The following ANK3 variants were observed in gnomAD, a reference collection of about 807,000 sequenced individuals.
ANK3 encodes the protein ankyrin-3.
In ANK3, 57 loss-of-function variants were observed where a neutral mutation model predicts 370.9. The ratio of observed to expected loss-of-function variants is 0.15; its 90% CI spans 0.12 to 0.19. The LOEUF is 0.19. Ranked by LOEUF, ANK3 falls within the 10% of genes least tolerant of loss-of-function variation. ANK3 has a pLI of 1.00. For synonymous variants in ANK3, 1,929 were observed against 1,946.3 expected, an observed-to-expected ratio of 0.99 and a Z score of 0.23; for missense variants, 4,439 against 5,302.1, an observed-to-expected ratio of 0.84 and a Z score of 5.06.
rs1437728084 is a variant in ANK3, at chr10:60,227,965, GAT to G, written c.897+6721_897+6722del. Among the ~76,000 whole-genome samples the G allele has an allele frequency of 5.3e-5, 8 of 152,184 alleles. No homozygotes were observed. In the East Asian group the frequency reaches 1.5e-3, roughly 29 times the overall value. On this transcript the variant is annotated intron_variant, in intron 8 of 43. Transcript: ENST00000280772. ...AAATTACATACTGGGTATTATGTAT[GAT>G]ATGTTATAAATAATTTGGAACTTAC...
chr10:60,233,261 G>A (rs1257710047), intron 8 of ANK3, among the ~76,000 whole-genome samples: 1 of 152,050 alleles, frequency 6.6e-6, no homozygotes, highest in Non-Finnish European at 1.5e-5. Context: ...ATAGAGAAAG[G>A]ACAATCAGTA....
chr10:60,514,391 G>A (rs1260153100), intron 2 of ANK3, among the ~76,000 whole-genome samples: 1 of 152,114 alleles, frequency 6.6e-6, no homozygotes, highest in Non-Finnish European at 1.5e-5. Flanking sequence ...GTAAAGTTTA[G>A]GTATTAAGCA....
intron 1 of ANK3, among the ~76,000 whole-genome samples, chr10:60,623,853 T>C (rs1009052722): frequency 1.3e-5 from 2 of 152,176 alleles, no homozygotes; most frequent in African/African-American, 2.4e-5. Context: ...TCAGAGTCTA[T>C]GCAAACAATG....
chr10:60,377,710 G>A (rs370409939), intron 1 of ANK3, among the ~76,000 whole-genome samples: 107 of 152,258 alleles, frequency 7.0e-4, no homozygotes, highest in African/African-American at 2.4e-3. Context: ...AATAATCTGC[G>A]AACAGAATAA....
chr10:60,558,211 C>A (rs978126311), intron 2 of ANK3, among the ~76,000 whole-genome samples: 1 of 152,130 alleles, frequency 6.6e-6, no homozygotes, highest in Non-Finnish European at 1.5e-5. Context: ...CTCATTCAAC[C>A]GCATTTCTGA....
At chr10:60,061,233 T>G (rs2080393900) in intron 40 of ANK3, among the ~76,000 whole-genome samples, 1 of 152,234 alleles carries the variant, frequency 6.6e-6, no homozygotes, top group Non-Finnish European at 1.5e-5. Context: ...TGGCTAAGAT[T>G]AGCTGAGGTT....
intron 1 of ANK3, among the ~76,000 whole-genome samples, chr10:60,388,742 G>T (rs910049110): frequency 2.0e-4 from 30 of 152,160 alleles, no homozygotes; most frequent in Admixed American, 1.5e-3. Flanking sequence ...AAGGTTGCAG[G>T]TTACTGGAAT....
At chr10:60,619,015 A>G (rs760046355) in intron 1 of ANK3, among the ~76,000 whole-genome samples, 1 of 152,118 alleles carries the variant, frequency 6.6e-6, no homozygotes, top group Non-Finnish European at 1.5e-5. Context: ...GGTTCCTAGA[A>G]TAAAATTACC....
At chr10:60,346,039 GA>G (rs2055391769) in intron 1 of ANK3, among the ~76,000 whole-genome samples, 1 of 152,038 alleles carries the variant, frequency 6.6e-6, no homozygotes, top group Non-Finnish European at 1.5e-5. Flanking sequence ...TGATTGGGTC[GA>G]GAACATGTGG....
intron 4 of ANK3, among the ~76,000 whole-genome samples, chr10:60,274,355 A>T (rs1172720335): frequency 1.3e-5 from 2 of 152,098 alleles, no homozygotes; most frequent in Non-Finnish European, 2.9e-5. Flanking sequence ...TACAGTGGTC[A>T]TTTGTAGTGC....
intron 1 of ANK3, among the ~76,000 whole-genome samples, chr10:60,725,083 T>C (rs567489493): frequency 1.3e-5 from 2 of 152,388 alleles, no homozygotes; most frequent in African/African-American, 2.4e-5. Flanking sequence ...ATGTACTTTA[T>C]GTAAGTACTC....
chr10:60,237,955 T>C (rs367815013), intron 7 of ANK3, among the ~76,000 whole-genome samples: 1 of 152,180 alleles, frequency 6.6e-6, no homozygotes, highest in East Asian at 1.9e-4. Flanking sequence ...GGATCAGAAT[T>C]TGGGCTCTAG....
chr10:60,599,505 C>T (rs1016395406), intron 2 of ANK3, among the ~76,000 whole-genome samples: 2 of 152,148 alleles, frequency 1.3e-5, no homozygotes, highest in African/African-American at 2.4e-5. Flanking sequence ...CTTATCTTTT[C>T]TATTGATTCC....
chr10:60,300,484 G>C, intron 1 of ANK3: 1 of 1,271,696 alleles, frequency 7.9e-7, no homozygotes, highest in Non-Finnish European at 1.0e-6. Context: ...GTAGGAGCTG[G>C]TCAGAAGCAA....
intron 2 of ANK3, among the ~76,000 whole-genome samples, chr10:60,450,251 A>G (rs1280151286): frequency 4.6e-5 from 7 of 152,130 alleles, no homozygotes; most frequent in African/African-American, 1.7e-4. Context: ...TTGGGATTAC[A>G]CCACCGCACT....
chr10:60,548,205 CCTTTTTT>C (rs1427973814), intron 2 of ANK3, among the ~76,000 whole-genome samples: 8 of 125,822 alleles, frequency 6.4e-5, no homozygotes, highest in Non-Finnish European at 6.5e-5. Flanking sequence ...TTAAATATTT[CCTTTTTT>C]TTTTTTTTTT....
intron 10 of ANK3, among the ~76,000 whole-genome samples, chr10:60,207,804 G>A (rs1418805500): frequency 2.0e-5 from 3 of 152,072 alleles, no homozygotes; most frequent in South Asian, 2.1e-4. Flanking sequence ...GTTCATACGG[G>A]AATCACTTAT....
chr10:60,691,031 C>T (rs747878423), intron 1 of ANK3, among the ~76,000 whole-genome samples: 2 of 152,192 alleles, frequency 1.3e-5, no homozygotes, highest in African/African-American at 4.8e-5. Context: ...CTATTAATAA[C>T]GTCACTGAAC....
At chr10:60,444,397 A>C (rs2064382426) in intron 2 of ANK3, among the ~76,000 whole-genome samples, 1 of 150,302 alleles carries the variant, frequency 6.7e-6, no homozygotes, top group Non-Finnish European at 1.5e-5. Context: ...AACATATATA[A>C]TACATAAAAC....
Sources: gnomAD v4.1 joint callset for allele counts (sites outside exome capture counted in the v4.1 genomes callset) on GRCh38, gnomAD v4.1.1 for gene constraint, MANE v1.5 for transcripts, NCBI Gene and HGNC (gene_info 2026-07-23, HGNC 2026-07-21) for gene names.